The following PDE1C variants were observed in gnomAD, a reference collection of about 807,000 sequenced individuals.
PDE1C encodes the protein phosphodiesterase 1C, also known as dual specificity calcium/calmodulin-dependent 3',5'-cyclic nucleotide phosphodiesterase 1C.
PDE1C carries 62 observed loss-of-function variants against 93.1 expected under a neutral mutation model. The ratio of observed to expected loss-of-function variants is 0.67; its 90% CI spans 0.54 to 0.82. PDE1C has a LOEUF of 0.82. Ranked by LOEUF, PDE1C falls within the 40% of genes least tolerant of loss-of-function variation. The pLI, the probability that PDE1C is intolerant of heterozygous loss-of-function variation, is 0.00. For missense variants in PDE1C, 742 were observed against 884.6 expected, an observed-to-expected ratio of 0.84 and a Z score of 2.04; for synonymous variants, 325 against 310.1, an observed-to-expected ratio of 1.05 and a Z score of -0.50.
chr7:31,670,315 G>A, the PDE1C span, among the ~76,000 whole-genome samples: 4 of 152,152 alleles, frequency 2.6e-5, no homozygotes, highest in South Asian at 2.1e-4. Context: ...GGATTTTGGA[G>A]CATTTGGGAT....
Position 32,133,170 on chromosome 7 carries a change from G to A in PDE1C, c.308+36615C>T, listed in dbSNP as rs138363378. 1.4e-3 allele frequency among the ~76,000 whole-genome samples: 212 copies of A among 152,254 alleles called. 1 individual carries two copies. Among genetic ancestry groups the A allele is most frequent in the African/African-American group, 4.8e-3 (199 of 41,564 alleles). On this transcript the variant is annotated intron_variant, in intron 3 of 18. Coordinates refer to the PDE1C transcript ENST00000396193. ...GTAAAGATATAAATTTGGCAGTCAT[G>A]GACATATATACAGCGTTTAAAGACA...
intron 2 of PDE1C, among the ~76,000 whole-genome samples, chr7:32,027,607 TAAAAAAAAAAAAAAAAAAAA>T (rs551660766): frequency 0.54 from 42,553 of 79,094 alleles, 9,128 homozygotes; most frequent in South Asian, 0.69. Context: ...TCAAAAATGG[TAAAAAAAAAAAAAAAAAAAA>T]AAAAAAAAAA....
the PDE1C span, chr7:31,695,833 T>A: frequency 2.5e-6 from 1 of 405,294 alleles, no homozygotes. Context: ...AAGTTTATTT[T>A]TTTTACCTAC....
chr7:32,092,533 C>T (rs968404337), intron 3 of PDE1C, among the ~76,000 whole-genome samples: 8 of 152,176 alleles, frequency 5.3e-5, no homozygotes, highest in African/African-American at 1.9e-4. Context: ...TTCTGGCTAG[C>T]CTAGGCTGCC....
intron 2 of PDE1C, among the ~76,000 whole-genome samples, chr7:31,992,510 G>GGGAT (rs2129078460): frequency 6.6e-6 from 1 of 152,312 alleles, no homozygotes; most frequent in South Asian, 2.1e-4. Flanking sequence ...AGACCTCAGT[G>GGGAT]GGATGTAAGC....
intron 1 of PDE1C, among the ~76,000 whole-genome samples, chr7:32,243,888 T>G (rs1401764561): frequency 2.0e-5 from 3 of 152,232 alleles, no homozygotes; most frequent in Admixed American, 2.0e-4. Context: ...CAGGAGTTTC[T>G]GAACTGGCTG....
chr7:32,400,047 C>T (rs1784914146), intron 1 of PDE1C, among the ~76,000 whole-genome samples: 1 of 152,126 alleles, frequency 6.6e-6, no homozygotes. Flanking sequence ...TTGTAAAGTC[C>T]TAGGATAGTC....
chr7:31,642,600 T>C, the PDE1C span: 2 of 1,279,742 alleles, frequency 1.6e-6, no homozygotes, highest in South Asian at 1.5e-5. Context: ...CCTAAGGCAA[T>C]GACAAGAAGA....
the PDE1C span, among the ~76,000 whole-genome samples, chr7:31,700,418 A>G: frequency 6.6e-6 from 1 of 152,196 alleles, no homozygotes; most frequent in Admixed American, 6.5e-5. Context: ...GCTAGCAGAG[A>G]AGAAAAGTTG....
intron 3 of PDE1C, among the ~76,000 whole-genome samples, chr7:32,157,489 C>T (rs201371098): frequency 2.6e-5 from 4 of 151,838 alleles, no homozygotes; most frequent in East Asian, 1.9e-4. Context: ...AAATAAAATA[C>T]GGGAACCTAA....
At chr7:32,079,898 G>A (rs1796562473) in intron 3 of PDE1C, among the ~76,000 whole-genome samples, 1 of 152,194 alleles carries the variant, frequency 6.6e-6, no homozygotes, top group Non-Finnish European at 1.5e-5. Context: ...GCAGGGTGTG[G>A]GGAGGGAGTG....
the PDE1C span, among the ~76,000 whole-genome samples, chr7:31,636,534 C>T: frequency 6.6e-6 from 1 of 152,054 alleles, no homozygotes; most frequent in Non-Finnish European, 1.5e-5. Flanking sequence ...TCTGTCTTGT[C>T]CATCTTTTAC....
At chr7:32,020,672 A>G (rs1478910126) in intron 2 of PDE1C, among the ~76,000 whole-genome samples, 2 of 152,154 alleles carry the variant, frequency 1.3e-5, no homozygotes, top group Non-Finnish European at 2.9e-5. Flanking sequence ...TAGAGCCTCA[A>G]ATCCTGGTAA....
chr7:31,651,902 T>C, the PDE1C span: 1 of 1,432,202 alleles, frequency 7.0e-7, no homozygotes, highest in Non-Finnish European at 9.6e-7. Context: ...CTGGGAAGGA[T>C]TGTTAAATTT....
intron 1 of PDE1C, among the ~76,000 whole-genome samples, chr7:32,389,696 T>C (rs758450671): frequency 6.6e-6 from 1 of 152,238 alleles, no homozygotes; most frequent in Non-Finnish European, 1.5e-5. Flanking sequence ...GTAAGTAACC[T>C]ACAGGCAGAA....
the PDE1C span, among the ~76,000 whole-genome samples, chr7:31,698,139 C>T: frequency 1.3e-5 from 2 of 152,172 alleles, no homozygotes. Flanking sequence ...AGAAGAAACA[C>T]TCTGGGGAGA....
At chr7:32,292,465 T>C (rs1377214865) in intron 1 of PDE1C, among the ~76,000 whole-genome samples, 1 of 152,238 alleles carries the variant, frequency 6.6e-6, no homozygotes, top group Non-Finnish European at 1.5e-5. Context: ...TATTGCAGTC[T>C]GATCACTATG....
In PDE1C at chr7:31,865,064, C is replaced by T; in HGVS notation, c.628G>A (p.Val210Ile). The T allele has an allele frequency of 6.2e-7, 1 of 1,614,030 alleles. No individual in the cohort carries two copies. The highest frequency in any genetic ancestry group is 1.7e-4 in the Middle Eastern group (1 of 6,058). ...ACTTCCAGGGCCTCCACAAATGAGA[C>T]AAGTGCAGAAATGGGGATCTGAAAG... ...SRFKIPISAL[V>I]SFVEALEVGY... Residue 210 changes from valine to isoleucine, a missense_variant, in exon 7 of 18, where the codon GTC (valine) becomes ATC (isoleucine). Physicochemically the swap from Val to Ile is conservative, Grantham distance 29. Around this residue, in one of 4 missense-constraint regions of PDE1C, gnomAD observed 205 missense variants for 295.3 expected, o/e 0.69. Coordinates refer to ENST00000396191, the MANE Select transcript of PDE1C (RefSeq NM_001191057.4).
At chr7:31,811,420 C>T (rs1248238936) in intron 15 of PDE1C, among the ~76,000 whole-genome samples, 1 of 151,994 alleles carries the variant, frequency 6.6e-6, no homozygotes, top group Non-Finnish European at 1.5e-5. Flanking sequence ...TCTACTCTGG[C>T]CAGGGTCCAA....
Sources: gnomAD v4.1 joint callset for allele counts (sites outside exome capture counted in the v4.1 genomes callset) on GRCh38, gnomAD v4.1.1 for gene constraint, gnomAD v4.1.1 regional missense constraint, MANE v1.5 for transcripts, NCBI Gene and HGNC (gene_info 2026-07-23, HGNC 2026-07-21) for gene names.